The following SPRED1 variants were observed in gnomAD, a reference collection of about 807,000 sequenced individuals.
The protein encoded by SPRED1 is sprouty related EVH1 domain containing 1.
Under a neutral mutation model 52.3 loss-of-function variants are expected in SPRED1, and 18 were observed. The ratio of observed to expected loss-of-function variants is 0.34; its 90% CI spans 0.24 to 0.51. The LOEUF is 0.51. Ranked by LOEUF, SPRED1 falls within the 20% of genes least tolerant of loss-of-function variation. The probability of loss-of-function intolerance (pLI) is 0.97; values close to 1 mark genes in which losing one functional copy is unlikely to be tolerated. For synonymous variants in SPRED1, 155 were observed against 179.7 expected (o/e 0.86, Z 1.10); for missense variants, 485 against 551.0 (o/e 0.88, Z 1.20).
intron 2 of SPRED1, among the ~76,000 whole-genome samples, chr15:38,312,237 C>G (rs1895384027): frequency 6.6e-6 from 1 of 152,006 alleles, no homozygotes; most frequent in South Asian, 2.1e-4. Flanking sequence ...CTGTTAAAGT[C>G]TTAGATCTTC....
At chr15:38,345,959 G>A (rs1173870165) in intron 5 of SPRED1, among the ~76,000 whole-genome samples, 1 of 152,116 alleles carries the variant, frequency 6.6e-6, no homozygotes, top group Non-Finnish European at 1.5e-5. Context: ...TGTCAACTAC[G>A]CTAGTTTATG....
intron 2 of SPRED1, among the ~76,000 whole-genome samples, chr15:38,310,115 T>TTGTGTGTGTGTGTGTGTGTGTGTGTG (rs767218956): frequency 1.3e-4 from 3 of 23,188 alleles, no homozygotes; most frequent in African/African-American, 3.2e-4. Flanking sequence ...AGACTATTCT[T>TTGTGTGTGTGTGTGTGTGTGTGTGTG]TGTGTGTGTG....
At chr15:38,306,302 A>G (rs1249248956) in intron 2 of SPRED1, among the ~76,000 whole-genome samples, 1 of 152,172 alleles carries the variant, frequency 6.6e-6, no homozygotes, top group Non-Finnish European at 1.5e-5. Flanking sequence ...CACTATATAG[A>G]TAGCATATTG....
chr15:38,349,276 G>T, intron 5 of SPRED1, 146 bp from the exon 6 acceptor site: 1 of 611,788 alleles, frequency 1.6e-6, no homozygotes, highest in Non-Finnish European at 2.9e-6. Flanking sequence ...GTTTTAGGTG[G>T]GGGGAAATGA....
At chr15:38,277,742 A>C (rs181345382) in intron 1 of SPRED1, among the ~76,000 whole-genome samples, 33 of 152,214 alleles carry the variant, frequency 2.2e-4, no homozygotes, top group Admixed American at 2.2e-3. Flanking sequence ...GCAGTGTATA[A>C]GCATTCCCTT....
intron 1 of SPRED1, among the ~76,000 whole-genome samples, chr15:38,295,052 G>T (rs7183113): frequency 6.6e-6 from 1 of 152,052 alleles, no homozygotes; most frequent in Non-Finnish European, 1.5e-5. Flanking sequence ...TTGAGTGCCA[G>T]TTGAGTGGAG....
intron 3 of SPRED1, 81 bp downstream of exon 3, chr15:38,322,490 T>C (rs1895624902): frequency 5.5e-6 from 8 of 1,459,892 alleles, no homozygotes; most frequent in Non-Finnish European, 6.7e-6. Flanking sequence ...TGACCCAAAG[T>C]AGTTTTCACA....
intron 1 of SPRED1, among the ~76,000 whole-genome samples, chr15:38,285,160 C>A (rs953645683): frequency 6.6e-6 from 1 of 152,200 alleles, no homozygotes; most frequent in South Asian, 2.1e-4. Flanking sequence ...TGAATAACTA[C>A]TAGGAAAAGC....
At chr15:38,311,903 A>AT (rs976175115) in intron 2 of SPRED1, among the ~76,000 whole-genome samples, 1 of 151,304 alleles carries the variant, frequency 6.6e-6, no homozygotes, top group Non-Finnish European at 1.5e-5. Flanking sequence ...TTCTGTTGTC[A>AT]TTTTCTTTTT....
At chr15:38,335,367 G>A (rs1895891852) in intron 4 of SPRED1, among the ~76,000 whole-genome samples, 1 of 151,996 alleles carries the variant, frequency 6.6e-6, no homozygotes, top group Admixed American at 6.6e-5. Flanking sequence ...AAATCAGTTA[G>A]AAACCTACTG....
At chr15:38,316,172 T>A (rs1018911712) in intron 2 of SPRED1, among the ~76,000 whole-genome samples, 1 of 152,046 alleles carries the variant, frequency 6.6e-6, no homozygotes, top group African/African-American at 2.4e-5. Context: ...TCTTCCGCTG[T>A]CTCTTAACCT....
Position 38,292,691 on chromosome 15 carries a change from G to T in SPRED1, c.33-6682G>T, listed in dbSNP as rs1233156612. Among the ~76,000 whole-genome samples the T allele has an allele frequency of 3.9e-5, 6 of 152,140 alleles. No homozygotes were observed. The East Asian group carries it at 1.2e-3, about 29-fold the overall frequency. On this transcript the variant is annotated intron_variant, in intron 1 of 6. Transcript: ENST00000299084. Reference sequence around the variant, plus strand: ...CCATGATTCAATTAAGACCCCTTGGGTCCCTCCCACAACACATGGGAATTC... The same window carrying T: ...CCATGATTCAATTAAGACCCCTTGGTTCCCTCCCACAACACATGGGAATTC...
intron 4 of SPRED1, among the ~76,000 whole-genome samples, chr15:38,336,440 TTATA>T (rs368348768): frequency 7.1e-6 from 1 of 141,050 alleles, no homozygotes; most frequent in African/African-American, 2.6e-5. Context: ...ATATATAATA[TTATA>T]TATATGTTAT....
chr15:38,282,354 C>CACAA (rs1894710068), intron 1 of SPRED1, among the ~76,000 whole-genome samples: 1 of 150,186 alleles, frequency 6.7e-6, no homozygotes, highest in Non-Finnish European at 1.5e-5. Context: ...TGCACACACA[C>CACAA]AAGTTAACCT....
chr15:38,316,363 A>T lies in SPRED1; in HGVS notation c.208-5878A>T, dbSNP rs1224885298. ...TAACAGACAAAAACATAAAAAATAA[A>T]AATAGATTTTAAAAGTTATTTTTGT... On this transcript the variant is annotated intron_variant, in intron 2 of 6. Coordinates refer to ENST00000299084, the MANE Select transcript of SPRED1 (RefSeq NM_152594.3). Among the ~76,000 whole-genome samples, 3 of 152,186 alleles carry T rather than the reference A, an allele frequency of 2.0e-5. No homozygotes were observed. In the East Asian group the frequency reaches 5.8e-4, roughly 29 times the overall value.
chr15:38,329,186 G>T (rs1201087230), intron 4 of SPRED1, among the ~76,000 whole-genome samples: 1 of 152,128 alleles, frequency 6.6e-6, no homozygotes, highest in East Asian at 1.9e-4. Flanking sequence ...GTTGAAAGAG[G>T]AAAAGATCTT....
rs916630676 is a variant in SPRED1 at position 38,284,125 on chromosome 15, A to G, written c.33-15248A>G. ...TACATTTTAAAATGTTTTTATTTCTATAAAACTGAAGTTGTACTATTTTAT... is the reference window on the plus strand; with the variant it reads ...TACATTTTAAAATGTTTTTATTTCTGTAAAACTGAAGTTGTACTATTTTAT... On this transcript the variant is annotated intron_variant, in intron 1 of 6. Transcript: ENST00000299084. Among the ~76,000 whole-genome samples, 5 of 152,194 alleles carry G rather than the reference A, an allele frequency of 3.3e-5. No individual in the cohort carries two copies. The South Asian group carries it at 6.2e-4, about 19-fold the overall frequency.
intron 5 of SPRED1, among the ~76,000 whole-genome samples, chr15:38,341,869 A>G (rs889395668): frequency 6.6e-6 from 1 of 152,006 alleles, no homozygotes; most frequent in African/African-American, 2.4e-5. Context: ...ATTATGAGAT[A>G]TCCTCTTTTA....
chr15:38,279,201 C>T (rs977237345), intron 1 of SPRED1, among the ~76,000 whole-genome samples: 38 of 152,148 alleles, frequency 2.5e-4, no homozygotes, highest in African/African-American at 6.8e-4. Flanking sequence ...CCCACAAATA[C>T]TACAACTATG....
Sources: gnomAD v4.1 joint callset for allele counts (sites outside exome capture counted in the v4.1 genomes callset) on GRCh38, gnomAD v4.1.1 for gene constraint, MANE v1.5 for transcripts, NCBI Gene and HGNC (gene_info 2026-07-23, HGNC 2026-07-21) for gene names.